Variants in CREB5 observed in about 807,000 individuals in gnomAD.
CREB5 encodes the protein cyclic AMP-responsive element-binding protein 5.
CREB5 carries 19 observed loss-of-function variants against 57.1 expected under a neutral mutation model. The ratio of observed to expected loss-of-function variants is 0.33; its 90% CI spans 0.23 to 0.49. The LOEUF (loss-of-function observed/expected upper bound fraction) is 0.49, where lower values mean the gene tolerates loss of function less well. Among genes scored for constraint, CREB5 ranks in the 20% least tolerant of loss-of-function variants. The pLI is 0.99. For synonymous variants in CREB5, 238 were observed against 238.3 expected, an observed-to-expected ratio of 1.00 and a Z score of 0.01; for missense variants, 579 against 671.6, an observed-to-expected ratio of 0.86 and a Z score of 1.52.
intron 4 of CREB5, among the ~76,000 whole-genome samples, chr7:28,511,100 G>T (rs1467436323): frequency 6.6e-6 from 1 of 151,946 alleles, no homozygotes; most frequent in Non-Finnish European, 1.5e-5. Flanking sequence ...CCTCTAGGGG[G>T]CAAGAGAAAC....
intron 5 of CREB5, among the ~76,000 whole-genome samples, chr7:28,601,290 T>C (rs1259347148): frequency 6.6e-6 from 1 of 151,600 alleles, no homozygotes; most frequent in Non-Finnish European, 1.5e-5. Context: ...GAAGCAAAAA[T>C]CCATAAAGGC....
chr7:28,481,496 C>T (rs80196564), intron 1 of CREB5, among the ~76,000 whole-genome samples: 4,271 of 152,260 alleles, frequency 0.028, 153 homozygotes, highest in African/African-American at 0.082. Flanking sequence ...TTATAAGGTA[C>T]AGCCCCACTC....
intron 1 of CREB5, among the ~76,000 whole-genome samples, chr7:28,463,927 T>G (rs947871978): frequency 5.9e-5 from 9 of 152,206 alleles, no homozygotes; most frequent in Non-Finnish European, 1.0e-4. Flanking sequence ...ATTTTCTTGC[T>G]TAATTGCCAT....
At chr7:28,609,037 G>A (rs1797287475) in intron 5 of CREB5, 1 of 152,248 alleles carries the variant, frequency 6.6e-6, no homozygotes, top group Admixed American at 6.5e-5. Context: ...AACTCCTCTT[G>A]GAGCTTACCA....
chr7:28,490,967 C>T (rs1791774486), intron 2 of CREB5, among the ~76,000 whole-genome samples: 3 of 152,204 alleles, frequency 2.0e-5, no homozygotes, highest in South Asian at 2.1e-4. Context: ...TGTCAGGCAC[C>T]GCTAGAGCTG....
At chr7:28,346,699 A>G (rs1048167112) in intron 1 of CREB5, among the ~76,000 whole-genome samples, 2 of 152,152 alleles carry the variant, frequency 1.3e-5, no homozygotes, top group African/African-American at 4.8e-5. Flanking sequence ...TGGGCCAGAC[A>G]CTTTTCTTCA....
chr7:28,413,016 G>C (rs1277362775), intron 1 of CREB5, 99 bp downstream of exon 1: 14 of 1,165,374 alleles, frequency 1.2e-5, no homozygotes. Context: ...ATTCAGAAAT[G>C]GAGTTTAGAT....
intron 5 of CREB5, among the ~76,000 whole-genome samples, chr7:28,653,813 T>G (rs554048034): frequency 1.3e-5 from 2 of 152,362 alleles, no homozygotes; most frequent in Non-Finnish European, 2.9e-5. Context: ...CAACAGTTTA[T>G]GAACCTGCTT....
intron 1 of CREB5, among the ~76,000 whole-genome samples, chr7:28,343,121 T>C (rs1213599095): frequency 6.6e-6 from 1 of 152,098 alleles, no homozygotes; most frequent in Non-Finnish European, 1.5e-5. Context: ...TTTATATTTT[T>C]AGTAGAGACA....
chr7:28,776,784 G>C (rs1376110106), intron 7 of CREB5, among the ~76,000 whole-genome samples: 1 of 152,154 alleles, frequency 6.6e-6, no homozygotes, highest in Non-Finnish European at 1.5e-5. Flanking sequence ...ATAAAAATGG[G>C]ATCTGTTATA....
intron 1 of CREB5, among the ~76,000 whole-genome samples, chr7:28,378,421 A>T (rs895518642): frequency 6.6e-6 from 1 of 152,150 alleles, no homozygotes; most frequent in African/African-American, 2.4e-5. Flanking sequence ...GTACATATGT[A>T]CCCTAAAACT....
At chr7:28,478,822 T>C (rs957017179) in intron 1 of CREB5, among the ~76,000 whole-genome samples, 1 of 152,192 alleles carries the variant, frequency 6.6e-6, no homozygotes, top group Non-Finnish European at 1.5e-5. Flanking sequence ...GCCACCCTAA[T>C]TGATACCAGC....
At chr7:28,524,353 A>G (rs1454227598) in intron 4 of CREB5, among the ~76,000 whole-genome samples, 1 of 145,082 alleles carries the variant, frequency 6.9e-6, no homozygotes, top group African/African-American at 2.6e-5. Flanking sequence ...ACACACACAC[A>G]CACACACGGC....
chr7:28,757,118 GCACTGTTCT>G (rs1805365180), intron 7 of CREB5, among the ~76,000 whole-genome samples: 1 of 152,128 alleles, frequency 6.6e-6, no homozygotes, highest in African/African-American at 2.4e-5. Flanking sequence ...CCTGAGCCAA[GCACTGTTCT>G]AAATGCTTTG....
At chr7:28,300,513 G>C (rs1785082092) in intron 1 of CREB5, among the ~76,000 whole-genome samples, 1 of 152,152 alleles carries the variant, frequency 6.6e-6, no homozygotes, top group African/African-American at 2.4e-5. Flanking sequence ...CGTAGTACCT[G>C]TGGGGACAAA....
intron 5 of CREB5, among the ~76,000 whole-genome samples, chr7:28,589,677 T>A (rs1268853423): frequency 6.6e-6 from 1 of 152,250 alleles, no homozygotes; most frequent in Non-Finnish European, 1.5e-5. Context: ...TCATATAGGA[T>A]GTGATTTTCC....
At chr7:28,789,185 T>A (rs1177575041) in intron 7 of CREB5, among the ~76,000 whole-genome samples, 1 of 152,200 alleles carries the variant, frequency 6.6e-6, no homozygotes, top group East Asian at 1.9e-4. Context: ...TAGTACTGCA[T>A]TGAGTTTGTT....
intron 5 of CREB5, among the ~76,000 whole-genome samples, chr7:28,627,830 G>A (rs538076127): frequency 4.6e-5 from 7 of 152,204 alleles, no homozygotes. Flanking sequence ...GACAGTGGCT[G>A]TTGTACTGAG....
chr7:28,789,526 C>G (rs1163777331), intron 7 of CREB5, among the ~76,000 whole-genome samples: 1 of 152,122 alleles, frequency 6.6e-6, no homozygotes, highest in Non-Finnish European at 1.5e-5. Flanking sequence ...TATCAGCACT[C>G]TATAAAATGT....
Sources: gnomAD v4.1 joint callset for allele counts (sites outside exome capture counted in the v4.1 genomes callset) on GRCh38, gnomAD v4.1.1 for gene constraint, MANE v1.5 for transcripts, NCBI Gene and HGNC (gene_info 2026-07-23, HGNC 2026-07-21) for gene names.